Variants in EYA2 observed in about 807,000 individuals in gnomAD.
The protein encoded by EYA2 is protein phosphatase EYA2.
Under a neutral mutation model 69.2 loss-of-function variants are expected in EYA2, and 31 were observed. That is an observed-to-expected ratio of 0.45 (90% CI 0.34 to 0.60). EYA2 has a LOEUF of 0.60. Among genes scored for constraint, EYA2 ranks in the 20% least tolerant of loss-of-function variants. The pLI is 0.02. For missense variants in EYA2, 622 were observed against 701.2 expected (o/e 0.89, Z 1.28); for synonymous variants, 257 against 279.4 (o/e 0.92, Z 0.80).
intron 2 of EYA2, among the ~76,000 whole-genome samples, chr20:47,000,149 C>CT (rs1982270591): frequency 6.6e-6 from 1 of 152,166 alleles, no homozygotes; most frequent in South Asian, 2.1e-4. Flanking sequence ...AGAATAGAAC[C>CT]TTTCTCACAG....
chr20:47,089,756 T>C (rs1216317249), intron 8 of EYA2, among the ~76,000 whole-genome samples: 1 of 152,084 alleles, frequency 6.6e-6, no homozygotes, highest in Non-Finnish European at 1.5e-5. Context: ...TGAGAGTCCC[T>C]GATAAAGAAA....
intron 1 of EYA2, among the ~76,000 whole-genome samples, chr20:46,968,238 T>G (rs1979911913): frequency 6.6e-6 from 1 of 152,258 alleles, no homozygotes; most frequent in Non-Finnish European, 1.5e-5. Flanking sequence ...TTAACCCACC[T>G]GAACCGCCAT....
At chr20:46,978,574 CG>C in intron 1 of EYA2, 2 of 534,722 alleles carry the variant, frequency 3.7e-6, no homozygotes, top group South Asian at 2.8e-5. Context: ...AGGCTGTGTT[CG>C]GAACTCTTTG....
At chr20:46,904,254 A>T (rs747497043) in intron 1 of EYA2, among the ~76,000 whole-genome samples, 1 of 152,196 alleles carries the variant, frequency 6.6e-6, no homozygotes, top group Non-Finnish European at 1.5e-5. Context: ...TGTTTGGCAC[A>T]TAGTAAGCAC....
At chr20:46,914,001 A>T (rs1419986230) in intron 1 of EYA2, among the ~76,000 whole-genome samples, 1 of 152,072 alleles carries the variant, frequency 6.6e-6, no homozygotes, top group African/African-American at 2.4e-5. Flanking sequence ...CCACCCCTTT[A>T]CCACTCTGCT....
chr20:47,119,593 A>T, intron 9 of EYA2, among the ~76,000 whole-genome samples: 1 of 152,228 alleles, frequency 6.6e-6, no homozygotes, highest in East Asian at 1.9e-4. Flanking sequence ...TTTATATGAA[A>T]TACCCAGAAG....
chr20:47,002,905 G>T (rs1982469382), intron 3 of EYA2, among the ~76,000 whole-genome samples: 1 of 152,218 alleles, frequency 6.6e-6, no homozygotes, highest in Non-Finnish European at 1.5e-5. Flanking sequence ...CGTGGCAGTA[G>T]TCTAAAAGAA....
At chr20:47,083,059 G>A (rs919706545) in intron 7 of EYA2, among the ~76,000 whole-genome samples, 2 of 152,126 alleles carry the variant, frequency 1.3e-5, no homozygotes, top group African/African-American at 4.8e-5. Flanking sequence ...CAGGCAGTGG[G>A]TTGTGCCTGC....
chr20:46,944,107 G>A (rs534802590), intron 1 of EYA2, among the ~76,000 whole-genome samples: 3 of 152,228 alleles, frequency 2.0e-5, no homozygotes, highest in African/African-American at 7.2e-5. Flanking sequence ...TGCTCCCCCT[G>A]GATGGCTCTG....
chr20:46,908,728 G>T (rs1173019207), intron 1 of EYA2, among the ~76,000 whole-genome samples: 1 of 151,946 alleles, frequency 6.6e-6, no homozygotes, highest in East Asian at 1.9e-4. Context: ...ATTTTTAAGA[G>T]AAATGTCCCG....
chr20:47,042,606 C>T (rs1985142265), intron 5 of EYA2, among the ~76,000 whole-genome samples: 1 of 152,164 alleles, frequency 6.6e-6, no homozygotes, highest in Admixed American at 6.5e-5. Flanking sequence ...GGAACCATCC[C>T]TTATCTCAAA....
chr20:47,125,657 T>C (rs1279116920), intron 9 of EYA2, among the ~76,000 whole-genome samples: 1 of 152,198 alleles, frequency 6.6e-6, no homozygotes, highest in East Asian at 1.9e-4. Flanking sequence ...CTGGCAAAGC[T>C]CTCTGTTGTG....
intron 10 of EYA2, among the ~76,000 whole-genome samples, chr20:47,161,855 C>T (rs955245692): frequency 4.6e-5 from 7 of 152,216 alleles, no homozygotes; most frequent in Admixed American, 1.3e-4. Flanking sequence ...GAGATGGGTC[C>T]GGGTGCTGGC....
At chr20:47,177,644 G>A (rs925892768) in intron 12 of EYA2, among the ~76,000 whole-genome samples, 5 of 152,196 alleles carry the variant, frequency 3.3e-5, no homozygotes, top group African/African-American at 7.2e-5. Flanking sequence ...GAGAGCTGGC[G>A]GTGTCCAGAT....
chr20:46,932,220 C>T (rs1345179323), intron 1 of EYA2, among the ~76,000 whole-genome samples: 1 of 152,032 alleles, frequency 6.6e-6, no homozygotes. Context: ...TTTGCACCTC[C>T]AGGCTCAGTC....
intron 10 of EYA2, among the ~76,000 whole-genome samples, chr20:47,153,160 C>T (rs1160552276): frequency 1.3e-5 from 2 of 151,968 alleles, no homozygotes; most frequent in Admixed American, 6.5e-5. Flanking sequence ...CAGCATGATC[C>T]AGGTTTCATG....
At position 47,097,186 on chromosome 20, in the gene EYA2, C is replaced by G; in HGVS notation, c.888+18C>G. 1.3e-6 allele frequency: 2 copies of G among 1,530,540 alleles called. No individual in the cohort carries two copies. Among genetic ancestry groups the G allele is most frequent in the Non-Finnish European group, 1.8e-6 (2 of 1,116,204 alleles). The allele number at this position is 1,530,540 out of a possible 1,614,324, so 94.8% of individuals were successfully genotyped here. On this transcript the variant is annotated intron_variant, in intron 9 of 15. Coordinates refer to ENST00000327619, the MANE Select transcript of EYA2 (RefSeq NM_005244.5). ...ACGGGAAGGTAAGAATCCATTTTGT[C>G]TCTCTCTCTCTTTTTTTGTTTTCAA...
At chr20:47,067,284 G>A (rs2031148328) in intron 5 of EYA2, among the ~76,000 whole-genome samples, 1 of 152,090 alleles carries the variant, frequency 6.6e-6, no homozygotes, top group Non-Finnish European at 1.5e-5. Context: ...TGCAAGTAGG[G>A]TCACCATGGT....
chr20:47,044,527 G>A (rs985133381), intron 5 of EYA2, among the ~76,000 whole-genome samples: 2 of 152,044 alleles, frequency 1.3e-5, no homozygotes, highest in Non-Finnish European at 2.9e-5. Context: ...CGGGGGGGTG[G>A]GGGCAATAGC....
Sources: gnomAD v4.1 joint callset for allele counts (sites outside exome capture counted in the v4.1 genomes callset) on GRCh38, gnomAD v4.1.1 for gene constraint, MANE v1.5 for transcripts, NCBI Gene and HGNC (gene_info 2026-07-23, HGNC 2026-07-21) for gene names.